The following MAST4 variants were observed in gnomAD, a reference collection of about 807,000 sequenced individuals.
MAST4 encodes the protein microtubule-associated serine/threonine-protein kinase 4.
In MAST4, 89 loss-of-function variants were observed where a neutral mutation model predicts 162.7. That is an observed-to-expected ratio of 0.55 (90% CI 0.46 to 0.65). The LOEUF is 0.65. Ranked by LOEUF, MAST4 falls within the 30% of genes least tolerant of loss-of-function variation. MAST4 has a pLI of 0.00. For synonymous variants in MAST4, 1,479 were observed against 1,361.1 expected (o/e 1.09, Z -1.91); for missense variants, 3,153 against 3,374.0 (o/e 0.93, Z 1.62).
Position 66,632,751 on chromosome 5 carries a change from C to A in MAST4, c.363+35733C>A, listed in dbSNP as rs73106449. On this transcript the variant is annotated intron_variant, in intron 1 of 28. Coordinates refer to ENST00000403625, the MANE Select transcript of MAST4 (RefSeq NM_001164664.2). ...TCAAGACTAAAAATTATTTTGGCTTCGATATATAGAAGAATTTCTTATGTA... is the reference window on the plus strand; with the variant it reads ...TCAAGACTAAAAATTATTTTGGCTTAGATATATAGAAGAATTTCTTATGTA... Among the ~76,000 whole-genome samples the A allele has an allele frequency of 3.3e-5, 5 of 151,900 alleles. No individual in the cohort carries two copies. The East Asian group carries it at 9.7e-4, about 29-fold the overall frequency.
intron 3 of MAST4, among the ~76,000 whole-genome samples, chr5:66,856,171 C>T (rs552576463): frequency 5.3e-5 from 8 of 152,152 alleles, no homozygotes; most frequent in African/African-American, 1.9e-4. Flanking sequence ...AAAACCAAAA[C>T]AAAAGAGAGA....
chr5:67,110,059 C>T, intron 10 of MAST4, 39 bp from the exon 11 acceptor site: 1 of 1,430,988 alleles, frequency 7.0e-7, no homozygotes, highest in Non-Finnish European at 9.9e-7. Flanking sequence ...TTTAATGGAA[C>T]AACTCTGCAT....
At chr5:67,095,737 C>T (rs1305010640) in intron 7 of MAST4, 62 bp downstream of exon 7, 1 of 1,259,222 alleles carries the variant, frequency 7.9e-7, no homozygotes, top group African/African-American at 1.5e-5. Context: ...ATTACACAGG[C>T]AGTGTTTTCT....
At chr5:66,900,062 T>C (rs1201410157) in intron 4 of MAST4, 80 bp downstream of exon 4, 6 of 967,264 alleles carry the variant, frequency 6.2e-6, no homozygotes, top group Non-Finnish European at 7.2e-6. Flanking sequence ...GATTCATTAG[T>C]GGCAATTATA....
chr5:66,622,232 C>T (rs973646117), intron 1 of MAST4, among the ~76,000 whole-genome samples: 1 of 152,062 alleles, frequency 6.6e-6, no homozygotes, highest in Admixed American at 6.6e-5. Flanking sequence ...GGCCATGTGT[C>T]TATCTGGAGA....
At chr5:66,907,160 AGAGAGAG>A (rs1561433668) in intron 4 of MAST4, among the ~76,000 whole-genome samples, 329 of 10,572 alleles carry the variant, frequency 0.031, 4 homozygotes, top group African/African-American at 0.054. Flanking sequence ...CAGCAAAGCG[AGAGAGAG>A]AGAGAGAGAG....
In MAST4 at chr5:67,097,602, C is replaced by G. The variant is rs142234078; in HGVS notation, c.912+1927C>G. Among the ~76,000 whole-genome samples, 716 of 152,182 alleles carry G rather than the reference C, an allele frequency of 4.7e-3. 5 individuals carry two copies. The highest frequency in any genetic ancestry group is 0.015 in the African/African-American group (618 of 41,536). On this transcript the variant is annotated intron_variant, in intron 7 of 28. Coordinates refer to ENST00000403625, the MANE Select transcript of MAST4 (RefSeq NM_001164664.2). ...TGCTGTCTCTAAATTCTGTATGTGC[C>G]TACGGAAGACACCCCCAAGACCATT...
chr5:66,950,429 C>T (rs1744538854), intron 4 of MAST4, among the ~76,000 whole-genome samples: 2 of 152,090 alleles, frequency 1.3e-5, no homozygotes, highest in Admixed American at 1.3e-4. Context: ...TCCCATTTCC[C>T]CTTCCCCTAG....
In MAST4 at chr5:66,861,294, G is replaced by T. The variant is rs567071840; in HGVS notation, c.643-38657G>T. Among the ~76,000 whole-genome samples the T allele has an allele frequency of 4.6e-5, 7 of 152,344 alleles. 1 individual carries two copies. In the South Asian group the frequency reaches 1.5e-3, roughly 32 times the overall value. On this transcript the variant is annotated intron_variant, in intron 3 of 28. Transcript: ENST00000403625. ...GAGTTTGTAACTGGAAGTGAATTGG[G>T]TCAGTGTTAAAGGTGATACAAATCA...
At chr5:66,672,380 C>A (rs1426724840) in intron 1 of MAST4, among the ~76,000 whole-genome samples, 1 of 152,156 alleles carries the variant, frequency 6.6e-6, no homozygotes, top group Admixed American at 6.5e-5. Context: ...TCTGTCCCAT[C>A]CCCCACAGGC....
At chr5:67,079,039 C>T (rs934627301) in intron 5 of MAST4, among the ~76,000 whole-genome samples, 5 of 145,382 alleles carry the variant, frequency 3.4e-5, no homozygotes, top group African/African-American at 1.3e-4. Flanking sequence ...CTATATGTCA[C>T]TAGTGAAAAT....
intron 4 of MAST4, among the ~76,000 whole-genome samples, chr5:66,974,082 A>G (rs779111406): frequency 9.2e-5 from 14 of 152,182 alleles, no homozygotes; most frequent in Non-Finnish European, 1.5e-4. Context: ...CTTAGCATCT[A>G]TAGTAAATGT....
chr5:67,153,151 T>C (rs1420897516), intron 25 of MAST4, among the ~76,000 whole-genome samples: 1 of 152,246 alleles, frequency 6.6e-6, no homozygotes, highest in African/African-American at 2.4e-5. Flanking sequence ...TCTTTTATTT[T>C]ATCATTTTTT....
At chr5:67,078,852 ATATT>A (rs1762081485) in intron 5 of MAST4, among the ~76,000 whole-genome samples, 1 of 113,500 alleles carries the variant, frequency 8.8e-6, no homozygotes, top group Non-Finnish European at 1.7e-5. Flanking sequence ...ATATATTTAT[ATATT>A]TATATAAATA....
intron 4 of MAST4, among the ~76,000 whole-genome samples, chr5:66,931,694 C>CA (rs1420928661): frequency 4.0e-5 from 6 of 151,892 alleles, no homozygotes; most frequent in African/African-American, 7.3e-5. Context: ...GCCTCCATCA[C>CA]AAAAAATATT....
intron 3 of MAST4, among the ~76,000 whole-genome samples, chr5:66,857,959 A>T (rs1353820990): frequency 2.0e-5 from 3 of 150,472 alleles, no homozygotes; most frequent in African/African-American, 4.9e-5. Context: ...TTATTTTTTC[A>T]TTTTTTTATT....
chr5:66,740,018 T>C lies in MAST4; in HGVS notation c.364-19691T>C, dbSNP rs148154322. Among the ~76,000 whole-genome samples, 6 of 152,244 alleles carry C rather than the reference T, an allele frequency of 3.9e-5. No individual in the cohort carries two copies. The East Asian group carries it at 1.2e-3, about 29-fold the overall frequency. On this transcript the variant is annotated intron_variant, in intron 1 of 28. Transcript: ENST00000403625. ...ATCCATATCCTTTGTCTTGGGAATGTTGGGAGGTAGTGAGAAGTCATCAAG... is the reference window on the plus strand; with the variant it reads ...ATCCATATCCTTTGTCTTGGGAATGCTGGGAGGTAGTGAGAAGTCATCAAG...
In MAST4 at chr5:67,080,979, T is replaced by TATATATAATTGTATATATTATATAATATA. The variant is rs1561625832; in HGVS notation, c.764-9095_764-9067dup. On this transcript the variant is annotated intron_variant, in intron 5 of 28. Coordinates refer to ENST00000403625, the MANE Select transcript of MAST4 (RefSeq NM_001164664.2). ...ATATATAATTGTATATATTATATAA[T>TATATATAATTGTATATATTATATAATATA]ATATATAATTGTATATATTATATAA... 1.7e-5 allele frequency among the ~76,000 whole-genome samples: 2 copies of TATATATAATTGTATATATTATATAATATA among 119,014 alleles called. 1 individual carries two copies. Among genetic ancestry groups the TATATATAATTGTATATATTATATAATATA allele is most frequent in the South Asian group, 5.5e-4 (2 of 3,626 alleles). The allele number at this position is 119,014 out of a possible 152,430, so 78.1% of individuals were successfully genotyped here.
At chr5:66,768,813 C>A (rs904853106) in intron 2 of MAST4, among the ~76,000 whole-genome samples, 7 of 151,982 alleles carry the variant, frequency 4.6e-5, no homozygotes, top group Non-Finnish European at 1.0e-4. Flanking sequence ...TGTATTATTT[C>A]TTGTAACTGC....
Sources: allele counts gnomAD v4.1 joint callset (sites outside exome capture counted in the v4.1 genomes callset), GRCh38; gene constraint gnomAD v4.1.1; transcripts MANE v1.5; gene names NCBI Gene and HGNC (gene_info 2026-07-23, HGNC 2026-07-21).